CDH13: variants seen among roughly 807,000 people sequenced by gnomAD.
CDH13 encodes the protein cadherin-13.
Under a neutral mutation model 63.8 loss-of-function variants are expected in CDH13, and 24 were observed. That is an observed-to-expected ratio of 0.38 (90% CI 0.27 to 0.53). CDH13 has a LOEUF of 0.53. Ranked by LOEUF, CDH13 falls within the 20% of genes least tolerant of loss-of-function variation. The pLI, the probability that CDH13 is intolerant of heterozygous loss-of-function variation, is 0.85. For missense variants in CDH13, 1,049 were observed against 903.1 expected (o/e 1.16, Z -2.07); for synonymous variants, 503 against 355.3 (o/e 1.42, Z -4.67).
chr16:82,831,175 A>G (rs1982608), intron 1 of CDH13, among the ~76,000 whole-genome samples: 111,216 of 152,006 alleles, frequency 0.73, 40,971 homozygotes, highest in East Asian at 0.98. Flanking sequence ...AAGATTCCAG[A>G]TGATTTGCAT....
chr16:83,207,462 A>G (rs926792205), intron 4 of CDH13, among the ~76,000 whole-genome samples: 9 of 152,248 alleles, frequency 5.9e-5, no homozygotes, highest in Admixed American at 2.0e-4. Flanking sequence ...ACACACATGT[A>G]GACACATACA....
At chr16:82,719,433 C>T (rs191337057) in intron 1 of CDH13, 118 of 455,894 alleles carry the variant, frequency 2.6e-4, no homozygotes, top group Middle Eastern at 2.0e-3. Flanking sequence ...GAGTCTGAGG[C>T]TCAGTTTTCC....
chr16:82,818,391 G>A (rs541290725), intron 1 of CDH13, among the ~76,000 whole-genome samples: 2 of 152,136 alleles, frequency 1.3e-5, no homozygotes, highest in African/African-American at 4.8e-5. Context: ...AGAGAGCAAA[G>A]CAACAACAAG....
At chr16:83,270,303 C>T (rs2088762969) in intron 5 of CDH13, among the ~76,000 whole-genome samples, 2 of 152,066 alleles carry the variant, frequency 1.3e-5, no homozygotes, top group South Asian at 4.2e-4. Context: ...ATTTAGGAAA[C>T]AGCTCTATAT....
chr16:83,001,707 C>T (rs1488314848), intron 2 of CDH13, among the ~76,000 whole-genome samples: 4 of 152,174 alleles, frequency 2.6e-5, no homozygotes, highest in Non-Finnish European at 5.9e-5. Flanking sequence ...TTTACACCTA[C>T]GGATGATTGG....
chr16:83,708,047 C>T (rs916727980), intron 10 of CDH13, among the ~76,000 whole-genome samples: 1 of 152,092 alleles, frequency 6.6e-6, no homozygotes, highest in African/African-American at 2.4e-5. Context: ...GGCATGAGCT[C>T]CATGTTTCCC....
intron 4 of CDH13, among the ~76,000 whole-genome samples, chr16:83,133,981 A>G (rs1187472131): frequency 6.6e-6 from 1 of 152,216 alleles, no homozygotes; most frequent in Non-Finnish European, 1.5e-5. Context: ...AATTCTAGCC[A>G]TATGTATGGC....
At chr16:83,106,907 A>T (rs192396276) in intron 3 of CDH13, among the ~76,000 whole-genome samples, 9,429 of 126,356 alleles carry the variant, frequency 0.075, 376 homozygotes, top group Non-Finnish European at 0.1. Flanking sequence ...TTTTTTTTTT[A>T]AAAAAGTATA....
At chr16:82,896,062 A>C (rs184607858) in intron 2 of CDH13, among the ~76,000 whole-genome samples, 19 of 152,096 alleles carry the variant, frequency 1.2e-4, no homozygotes, top group African/African-American at 4.6e-4. Context: ...TTAAGGCATC[A>C]CCCTGTTTTA....
At chr16:83,109,374 C>G (rs1279095728) in intron 3 of CDH13, among the ~76,000 whole-genome samples, 4 of 152,134 alleles carry the variant, frequency 2.6e-5, no homozygotes, top group Non-Finnish European at 4.4e-5. Flanking sequence ...GCAGGAAACC[C>G]CATGGCTTTG....
At chr16:83,386,597 G>A (rs184236736) in intron 6 of CDH13, among the ~76,000 whole-genome samples, 1 of 152,202 alleles carries the variant, frequency 6.6e-6, no homozygotes, top group African/African-American at 2.4e-5. Context: ...AGGCAGGTAA[G>A]CTACAGTGAA....
chr16:83,543,462 T>G (rs1385508837), intron 7 of CDH13, among the ~76,000 whole-genome samples: 4 of 152,242 alleles, frequency 2.6e-5, no homozygotes, highest in African/African-American at 9.6e-5. Context: ...GATGATTTGT[T>G]GCTTGCCTTG....
intron 4 of CDH13, among the ~76,000 whole-genome samples, chr16:83,146,204 A>AAG (rs2036742203): frequency 6.6e-6 from 1 of 151,558 alleles, no homozygotes; most frequent in Non-Finnish European, 1.5e-5. Context: ...AAAAAAAAAA[A>AAG]AAAAAAGAAA....
rs566783655 is a variant in CDH13, at chr16:82,810,359, G to C, written c.46-48003G>C. Among the ~76,000 whole-genome samples the C allele has an allele frequency of 5.9e-5, 9 of 152,238 alleles. No homozygotes were observed. In the South Asian group the frequency reaches 1.5e-3, roughly 25 times the overall value. On this transcript the variant is annotated intron_variant, in intron 1 of 13. Transcript: ENST00000567109. ...GCCGAACAGAAGGAGGAGATGAGAG[G>C]ATCTGTCAGCCAGGGAGAGGTACAG...
intron 4 of CDH13, among the ~76,000 whole-genome samples, chr16:83,126,179 A>T (rs1034376180): frequency 2.1e-4 from 32 of 152,314 alleles, no homozygotes; most frequent in Admixed American, 2.0e-3. Flanking sequence ...GCACTCAGGA[A>T]AAGAGTTTTC....
rs187367867 is a variant in CDH13 at position 83,435,062 on chromosome 16, G to A, written c.782-51415G>A. On this transcript the variant is annotated intron_variant, in intron 6 of 13. Transcript: ENST00000567109. ...GGTTTGGAATTCAGAGAGAGATATC[G>A]AGAGAGTTTCGCTCCTGTTTTTCTC... is the stretch of plus-strand genomic sequence containing the variant. Among the ~76,000 whole-genome samples the A allele has an allele frequency of 3.8e-4, 54 of 143,144 alleles. No homozygotes were observed. The East Asian group carries it at 6.8e-3, about 18-fold the overall frequency. The allele number at this position is 143,144 out of a possible 152,430, so 93.9% of individuals were successfully genotyped here. A position where few individuals can be genotyped will look rare whatever the true frequency, so the allele number is the denominator to read the frequency against.
At position 83,168,546 on chromosome 16, in the gene CDH13, A is replaced by C. The variant is rs557188216; in HGVS notation, c.483+43045A>C. On this transcript the variant is annotated intron_variant, in intron 4 of 13. Transcript: ENST00000567109. ...TCCAAAATGCCGACTCCAGTATTCC[A>C]TTTTCAAATTAACTTATTCTGATTA... 3.3e-5 allele frequency among the ~76,000 whole-genome samples: 5 copies of C among 152,154 alleles called. 1 individual carries two copies. The South Asian group carries it at 1.0e-3, about 32-fold the overall frequency.
chr16:83,198,465 A>G (rs1225284633), intron 4 of CDH13, among the ~76,000 whole-genome samples: 1 of 152,162 alleles, frequency 6.6e-6, no homozygotes, highest in African/African-American at 2.4e-5. Flanking sequence ...ACCAGCTGGG[A>G]AGACTGTAAA....
chr16:82,929,418 G>A (rs1317764802), intron 2 of CDH13, among the ~76,000 whole-genome samples: 1 of 151,716 alleles, frequency 6.6e-6, no homozygotes, highest in Non-Finnish European at 1.5e-5. Flanking sequence ...GAGGCGGGGT[G>A]GATCACAAGG....
Sources: allele counts gnomAD v4.1 joint callset (sites outside exome capture counted in the v4.1 genomes callset), GRCh38; gene constraint gnomAD v4.1.1; transcripts MANE v1.5; gene names NCBI Gene and HGNC (gene_info 2026-07-23, HGNC 2026-07-21).